Variants in SOS1 observed in about 807,000 individuals in gnomAD.
SOS1 encodes the protein SOS Ras/Rac guanine nucleotide exchange factor 1, also known as son of sevenless homolog 1.
In SOS1, 25 loss-of-function variants were observed where a neutral mutation model predicts 157.6. The observed-to-expected ratio is 0.16, with a 90% confidence interval of 0.12 to 0.22. SOS1 has a LOEUF of 0.22. SOS1 is among the 10% of genes least tolerant of loss of function. The pLI is 1.00. For synonymous variants in SOS1, 528 were observed against 534.0 expected, an observed-to-expected ratio of 0.99 and a Z score of 0.16; for missense variants, 1,237 against 1,599.1, an observed-to-expected ratio of 0.77 and a Z score of 3.86.
At chr2:39,030,662 A>G (rs1435130791) in intron 8 of SOS1, among the ~76,000 whole-genome samples, 4 of 152,130 alleles carry the variant, frequency 2.6e-5, no homozygotes, top group African/African-American at 7.2e-5. Flanking sequence ...CAAAAATTTA[A>G]TTTTTATAGT....
intron 1 of SOS1, among the ~76,000 whole-genome samples, chr2:39,110,076 GTGTA>G (rs1393878641): frequency 1.6e-4 from 24 of 150,078 alleles, no homozygotes; most frequent in Admixed American, 2.7e-4. Context: ...GTGTGTGTGT[GTGTA>G]TGTGCATGTA....
intron 10 of SOS1, among the ~76,000 whole-genome samples, chr2:39,020,109 G>A (rs895377842): frequency 6.6e-6 from 1 of 151,594 alleles, no homozygotes. Flanking sequence ...TTCTTGACTT[G>A]TTCTGGAATT....
intron 8 of SOS1, among the ~76,000 whole-genome samples, chr2:39,028,971 T>G (rs534385694): frequency 1.3e-5 from 2 of 152,234 alleles, no homozygotes; most frequent in Non-Finnish European, 2.9e-5. Context: ...AGCAAATGTA[T>G]GAAATATTAT....
intron 2 of SOS1, among the ~76,000 whole-genome samples, chr2:39,059,012 C>T (rs1671310130): frequency 6.6e-6 from 1 of 152,002 alleles, no homozygotes; most frequent in South Asian, 2.1e-4. Context: ...AACATTCTTT[C>T]TATTATCTAG....
intron 6 of SOS1, among the ~76,000 whole-genome samples, chr2:39,046,825 A>G (rs931682280): frequency 6.6e-6 from 1 of 152,088 alleles, no homozygotes; most frequent in African/African-American, 2.4e-5. Context: ...TTTCACCATT[A>G]GTTCTTATAT....
At chr2:39,053,166 G>C (rs1411238613) in intron 5 of SOS1, among the ~76,000 whole-genome samples, 1 of 151,914 alleles carries the variant, frequency 6.6e-6, no homozygotes, top group African/African-American at 2.4e-5. Flanking sequence ...AAAAAAAAAA[G>C]AGAGAGAACC....
intron 1 of SOS1, among the ~76,000 whole-genome samples, chr2:39,070,526 C>A (rs753807591): frequency 2.0e-5 from 3 of 152,162 alleles, no homozygotes; most frequent in Non-Finnish European, 4.4e-5. Context: ...CCACATTTAA[C>A]AGTCACCTGC....
chr2:38,982,783 T>G lies in SOS1; in HGVS notation c.*3041A>C, dbSNP rs1167439482. The G allele has an allele frequency of 6.6e-6, 1 of 152,176 alleles. No individual in the cohort carries two copies. Among genetic ancestry groups the G allele is most frequent in the Admixed American group, 6.5e-5 (1 of 15,268 alleles). The allele number at this position is 152,176 out of a possible 1,614,324, so 9.4% of individuals were successfully genotyped here. On this transcript the variant is annotated 3_prime_UTR_variant, in exon 23 of 23. Coordinates refer to ENST00000402219, the MANE Select transcript of SOS1 (RefSeq NM_005633.4). ...AAGCTAAACTTGAGAATTAAGATCA[T>G]GACCATAAATACCAACTAATTTTTG... is the stretch of plus-strand genomic sequence containing the variant.
intron 11 of SOS1, 117 bp downstream of exon 11, chr2:39,014,648 G>A: frequency 1.9e-6 from 1 of 533,630 alleles, no homozygotes; most frequent in South Asian, 3.1e-5. Context: ...TTTATTTATT[G>A]AAAAAGTGCT....
At chr2:39,102,204 CAAAAAA>C (rs58865034) in intron 1 of SOS1, among the ~76,000 whole-genome samples, 782 of 23,730 alleles carry the variant, frequency 0.033, 27 homozygotes, top group African/African-American at 0.099. Context: ...GACTCTGTCT[CAAAAAA>C]AAAAAAAAAA....
In SOS1 at chr2:38,987,865, T is replaced by C. The variant is rs1167374096; in HGVS notation, c.3392-274A>G. 1.6e-5 allele frequency: 6 copies of C among 372,588 alleles called. No individual in the cohort carries two copies. In the Admixed American group the frequency reaches 1.7e-4, roughly 11 times the overall value. 23.1% of individuals were successfully genotyped at this position (372,588 alleles called of 1,614,324 possible). A position where few individuals can be genotyped will look rare whatever the true frequency, so the allele number is the denominator to read the frequency against. On this transcript the variant is annotated intron_variant, in intron 21 of 22. Transcript: ENST00000402219. The stretch of plus-strand genomic sequence containing the variant: ...AACATTCCCATGGTTACTCTATTAT[T>C]GAAATTTTTAATTGAGTCTGATTCT...
intron 8 of SOS1, among the ~76,000 whole-genome samples, chr2:39,030,599 A>T (rs1388495533): frequency 6.6e-6 from 1 of 152,108 alleles, no homozygotes; most frequent in East Asian, 1.9e-4. Flanking sequence ...GTTAGGGGGA[A>T]GCCAGCGTAT....
chr2:39,056,888 A>G (rs1359225624), intron 3 of SOS1, 22 bp from the exon 4 acceptor site: 1 of 1,525,872 alleles, frequency 6.6e-7, no homozygotes. Context: ...AAAGAAAAGC[A>G]TGTTTAAACA....
At chr2:38,999,109 A>C (rs1669001760) in intron 17 of SOS1, among the ~76,000 whole-genome samples, 1 of 152,240 alleles carries the variant, frequency 6.6e-6, no homozygotes, top group Admixed American at 6.5e-5. Flanking sequence ...CACAGATGAG[A>C]TAATGCTTAG....
At chr2:39,052,919 A>G (rs1055320304) in intron 5 of SOS1, among the ~76,000 whole-genome samples, 1 of 152,276 alleles carries the variant, frequency 6.6e-6, no homozygotes, top group East Asian at 1.9e-4. Context: ...TTGGGAGGCC[A>G]AGGCTGGCAG....
At chr2:39,004,541 T>C (rs1021662166) in intron 17 of SOS1, among the ~76,000 whole-genome samples, 5 of 151,442 alleles carry the variant, frequency 3.3e-5, no homozygotes, top group African/African-American at 1.2e-4. Context: ...ATATTAAAGA[T>C]ACTTCAGTTT....
At position 39,013,454 on chromosome 2, in the gene SOS1, A is replaced by G. The variant is rs186640807; in HGVS notation, c.2167+6T>C. On this transcript the variant is annotated splice_donor_region_variant and intron_variant, in intron 13 of 22. Transcript: ENST00000402219. Reference sequence around the variant, plus strand: ...TAAAACTAGGCACCTAAAAAAAAAAACATACCTCTTACTGTTCCAATAAAT... The same window carrying G: ...TAAAACTAGGCACCTAAAAAAAAAAGCATACCTCTTACTGTTCCAATAAAT... 1 of 1,570,594 alleles carries G rather than the reference A, an allele frequency of 6.4e-7. No homozygotes were observed. Among genetic ancestry groups the G allele is most frequent in the South Asian group, 1.1e-5 (1 of 89,986 alleles).
chr2:39,006,008 A>C (rs1669271444), intron 17 of SOS1, among the ~76,000 whole-genome samples: 1 of 152,138 alleles, frequency 6.6e-6, no homozygotes, highest in Non-Finnish European at 1.5e-5. Context: ...AGAGAATAAA[A>C]TTTTGATGTG....
chr2:38,989,778 A>C (rs1668675095), intron 20 of SOS1, among the ~76,000 whole-genome samples: 1 of 152,250 alleles, frequency 6.6e-6, no homozygotes, highest in African/African-American at 2.4e-5. Flanking sequence ...TCTCATCACA[A>C]AATAACTAGC....
Sources: gnomAD v4.1 joint callset for allele counts (sites outside exome capture counted in the v4.1 genomes callset) on GRCh38, gnomAD v4.1.1 for gene constraint, MANE v1.5 for transcripts, NCBI Gene and HGNC (gene_info 2026-07-23, HGNC 2026-07-21) for gene names.